CCDC25: variants seen among roughly 807,000 people sequenced by gnomAD.
The protein encoded by CCDC25 is coiled-coil domain containing 25, also known as coiled-coil domain-containing protein 25.
A neutral mutation model predicts 35.3 loss-of-function variants in CCDC25; 16 were observed. The ratio of observed to expected loss-of-function variants is 0.45; its 90% CI spans 0.31 to 0.69. The LOEUF is 0.69. CCDC25 is among the 30% of genes least tolerant of loss of function. The probability of loss-of-function intolerance (pLI) is 0.06; values close to 1 mark genes in which losing one functional copy is unlikely to be tolerated. For synonymous variants in CCDC25, 79 were observed against 80.3 expected (o/e 0.98, Z 0.09); for missense variants, 179 against 250.7 (o/e 0.71, Z 1.93).
At chr8:27,758,185 T>A (rs752057277) in intron 3 of CCDC25, among the ~76,000 whole-genome samples, 9 of 152,224 alleles carry the variant, frequency 5.9e-5, no homozygotes, top group Non-Finnish European at 1.2e-4. Flanking sequence ...TGAAGAATGT[T>A]CAGAAAATCC....
rs1253066093 is a variant in CCDC25, at chr8:27,740,539, C to G, written c.552-22G>C. ...GCTCCTAGAAGGAAAAAAACACACA[C>G]ACACATTTAAAATATGGTGATCCAG... On this transcript the variant is annotated intron_variant, in intron 7 of 8. Coordinates refer to ENST00000356537, the MANE Select transcript of CCDC25 (RefSeq NM_018246.3). 1.0e-5 allele frequency: 16 copies of G among 1,599,612 alleles called. No homozygotes were observed. In the East Asian group the frequency reaches 2.0e-4, roughly 20 times the overall value.
At chr8:27,759,137 T>C (rs1428404753) in intron 3 of CCDC25, among the ~76,000 whole-genome samples, 1 of 152,198 alleles carries the variant, frequency 6.6e-6, no homozygotes. Flanking sequence ...CCTGTTACCC[T>C]TTCCTGAATG....
chr8:27,748,280 C>T lies in CCDC25; in HGVS notation c.349-1G>A, dbSNP rs142535974. The T allele has an allele frequency of 6.2e-7, 1 of 1,610,852 alleles. No individual in the cohort carries two copies. Among genetic ancestry groups the T allele is most frequent in the Non-Finnish European group, 8.5e-7 (1 of 1,178,902 alleles). ...TCTTCTCCACTGTCACAATTTTTAC[C>T]TTTAAGGGAGATAGGAGAAAAGATA... is the stretch of plus-strand genomic sequence containing the variant. On this transcript the variant is annotated splice_acceptor_variant, in intron 6 of 8. Coordinates refer to ENST00000356537, the MANE Select transcript of CCDC25 (RefSeq NM_018246.3). LOFTEE classifies it high-confidence loss of function.
intron 1 of CCDC25, among the ~76,000 whole-genome samples, chr8:27,769,955 A>G (rs1804529852): frequency 6.6e-6 from 1 of 152,198 alleles, no homozygotes; most frequent in African/African-American, 2.4e-5. Context: ...TAGCCTGGCC[A>G]ATATGGTGAA....
At chr8:27,763,075 C>T (rs1240797133) in intron 2 of CCDC25, among the ~76,000 whole-genome samples, 1 of 152,048 alleles carries the variant, frequency 6.6e-6, no homozygotes, top group Non-Finnish European at 1.5e-5. Context: ...TACTACTTGA[C>T]TTTTTAAACT....
At chr8:27,770,137 C>G (rs951699219) in intron 1 of CCDC25, among the ~76,000 whole-genome samples, 1 of 151,974 alleles carries the variant, frequency 6.6e-6, no homozygotes, top group Admixed American at 6.6e-5. Flanking sequence ...GAGGGAGACT[C>G]CATCTCAAAA....
At chr8:27,760,526 C>T (rs905818288) in intron 3 of CCDC25, among the ~76,000 whole-genome samples, 3 of 152,144 alleles carry the variant, frequency 2.0e-5, no homozygotes, top group Non-Finnish European at 1.5e-5. Flanking sequence ...ATGGAGACTG[C>T]TTCTACGCTG....
chr8:27,771,011 T>C (rs1325321522), intron 1 of CCDC25, among the ~76,000 whole-genome samples: 1 of 152,160 alleles, frequency 6.6e-6, no homozygotes, highest in Non-Finnish European at 1.5e-5. Context: ...TGCCACATAA[T>C]GATGCTTTGG....
At chr8:27,738,752 C>A (rs991165614) in intron 8 of CCDC25, among the ~76,000 whole-genome samples, 4 of 152,096 alleles carry the variant, frequency 2.6e-5, no homozygotes, top group Non-Finnish European at 5.9e-5. Flanking sequence ...CTCTAAAACA[C>A]AGAAAACTTC....
chr8:27,756,729 C>T lies in CCDC25; in HGVS notation c.158G>A (p.Arg53Gln), dbSNP rs1804017491. 1.2e-6 allele frequency: 2 copies of T among 1,610,314 alleles called. No individual in the cohort carries two copies. Among genetic ancestry groups the T allele is most frequent in the Non-Finnish European group, 1.7e-6 (2 of 1,176,718 alleles). ...TTTAAATTCAGTTACCTTATGTAATCGAAGGTATACATGAGCCGAAGAGAG... is the reference window on the plus strand; with the variant it reads ...TTTAAATTCAGTTACCTTATGTAATTGAAGGTATACATGAGCCGAAGAGAG... ...DKLSSAHVYLRLHKGENIEDI... is the reference protein window; with the variant it reads ...DKLSSAHVYLQLHKGENIEDI... Residue 53 changes from arginine to glutamine, a missense_variant, in exon 4 of 9, where the codon CGA (arginine) becomes CAA (glutamine). Transcript: ENST00000356537.
intron 3 of CCDC25, among the ~76,000 whole-genome samples, chr8:27,760,865 C>A (rs1804203241): frequency 6.6e-6 from 1 of 152,198 alleles, no homozygotes; most frequent in Admixed American, 6.5e-5. Flanking sequence ...GTGGCTCACG[C>A]CTCTAATCCC....
intron 8 of CCDC25, among the ~76,000 whole-genome samples, chr8:27,739,141 C>T (rs1189644188): frequency 6.6e-6 from 1 of 152,110 alleles, no homozygotes; most frequent in Non-Finnish European, 1.5e-5. Flanking sequence ...GTTTAATCCC[C>T]CCCACCTCAA....
chr8:27,740,001 T>G (rs984528337), intron 8 of CCDC25, among the ~76,000 whole-genome samples: 4 of 152,168 alleles, frequency 2.6e-5, no homozygotes, highest in Non-Finnish European at 5.9e-5. Flanking sequence ...CTAAGGAACA[T>G]GAAAACAAAC....
At chr8:27,766,952 T>C (rs2128947528) in intron 1 of CCDC25, among the ~76,000 whole-genome samples, 1 of 152,372 alleles carries the variant, frequency 6.6e-6, no homozygotes, top group Middle Eastern at 3.4e-3. Flanking sequence ...ACATGTTTTA[T>C]TTTTATATAA....
At chr8:27,740,178 A>T (rs1259056927) in intron 8 of CCDC25, among the ~76,000 whole-genome samples, 1 of 152,178 alleles carries the variant, frequency 6.6e-6, no homozygotes, top group Non-Finnish European at 1.5e-5. Flanking sequence ...ACCAGAAAAG[A>T]GGGGAAATAA....
At chr8:27,746,481 T>C (rs1055512532) in intron 7 of CCDC25, among the ~76,000 whole-genome samples, 1 of 152,216 alleles carries the variant, frequency 6.6e-6, no homozygotes, top group African/African-American at 2.4e-5. Flanking sequence ...GTTCCTAATA[T>C]ATGTTCCATC....
rs59747412 is a variant in CCDC25 at position 27,742,345 on chromosome 8, AAAAC to A, written c.552-1832_552-1829del. Among the ~76,000 whole-genome samples, 12 of 151,734 alleles carry A rather than the reference AAAAC, an allele frequency of 7.9e-5. No homozygotes were observed. The East Asian group carries it at 9.8e-4, about 12-fold the overall frequency. On this transcript the variant is annotated intron_variant, in intron 7 of 8. Transcript: ENST00000356537. ...ATCCACAAGGAATTAAAACAAAACA[AAAAC>A]AAACAAACAAAAAACAGACAAGATC...
intron 1 of CCDC25, among the ~76,000 whole-genome samples, chr8:27,765,481 G>A (rs1291409832): frequency 6.6e-6 from 1 of 152,094 alleles, no homozygotes; most frequent in African/African-American, 2.4e-5. Context: ...GGAGATTGTA[G>A]GTGACTCACA....
rs186481188 is a variant in CCDC25 at position 27,740,335 on chromosome 8, C to T, written c.597+137G>A. 4 of 746,370 alleles carry T rather than the reference C, an allele frequency of 5.4e-6. No homozygotes were observed. The East Asian group carries it at 1.0e-4, about 19-fold the overall frequency. 46.2% of individuals were successfully genotyped at this position (746,370 alleles called of 1,614,324 possible). Reference sequence around the variant, plus strand: ...AGGTGCAGTGCCTAAAAGAATCCAGCCTGAGTGGTGTCCTGGTTGCCAAAT... The same window carrying T: ...AGGTGCAGTGCCTAAAAGAATCCAGTCTGAGTGGTGTCCTGGTTGCCAAAT... On this transcript the variant is annotated intron_variant, in intron 8 of 8. Transcript: ENST00000356537.
Sources: allele counts gnomAD v4.1 joint callset (sites outside exome capture counted in the v4.1 genomes callset), GRCh38; gene constraint gnomAD v4.1.1; transcripts MANE v1.5; gene names NCBI Gene and HGNC (gene_info 2026-07-23, HGNC 2026-07-21).